Variants in PTPRM observed in about 807,000 individuals in gnomAD.
PTPRM encodes the protein receptor-type tyrosine-protein phosphatase mu.
In PTPRM, 47 loss-of-function variants were observed where a neutral mutation model predicts 186.7. The ratio of observed to expected loss-of-function variants is 0.25; its 90% CI spans 0.20 to 0.32. The LOEUF is 0.32. PTPRM is among the 10% of genes least tolerant of loss of function. PTPRM has a pLI of 1.00. For synonymous variants in PTPRM, 668 were observed against 674.9 expected (o/e 0.99, Z 0.16); for missense variants, 1,494 against 1,865.0 (o/e 0.80, Z 3.66).
chr18:7,708,208 A>C (rs2040136933), intron 1 of PTPRM, among the ~76,000 whole-genome samples: 1 of 152,178 alleles, frequency 6.6e-6, no homozygotes, highest in East Asian at 1.9e-4. Context: ...TATCATATTG[A>C]GAGCCTTAAC....
chr18:7,934,315 A>AT (rs11376897), intron 5 of PTPRM, among the ~76,000 whole-genome samples: 15,652 of 151,954 alleles, frequency 0.1, 874 homozygotes, highest in Middle Eastern at 0.27. Flanking sequence ...AGATTGATAT[A>AT]TTTTTTTTCT....
At chr18:7,991,875 A>G (rs2083285306) in intron 7 of PTPRM, among the ~76,000 whole-genome samples, 2 of 152,200 alleles carry the variant, frequency 1.3e-5, no homozygotes, top group South Asian at 4.1e-4. Context: ...AGAACCCATC[A>G]TGAGATACAT....
Position 8,194,501 on chromosome 18 carries a change from G to A in PTPRM, c.2301-49557G>A, listed in dbSNP as rs553863368. 1.0e-3 allele frequency among the ~76,000 whole-genome samples: 158 copies of A among 152,266 alleles called. 1 individual carries two copies. The highest frequency in any genetic ancestry group is 3.3e-3 in the African/African-American group (137 of 41,550). On this transcript the variant is annotated intron_variant, in intron 14 of 32. Transcript: ENST00000580170. ...CAGGGCTCCGTGTGAGGACTGAGGG[G>A]GCACCCTGAAATCCACACTGGAAAC...
intron 9 of PTPRM, among the ~76,000 whole-genome samples, chr18:8,078,776 G>A (rs899770243): frequency 6.6e-6 from 1 of 152,190 alleles, no homozygotes; most frequent in African/African-American, 2.4e-5. Flanking sequence ...GAATGTGGCA[G>A]AGGGTGAAGG....
intron 14 of PTPRM, among the ~76,000 whole-genome samples, chr18:8,217,333 C>A (rs1601288861): frequency 6.6e-6 from 1 of 152,144 alleles, no homozygotes; most frequent in South Asian, 2.1e-4. Context: ...GCAGAGGAAC[C>A]CGAGCCCCTG....
intron 11 of PTPRM, among the ~76,000 whole-genome samples, chr18:8,090,414 G>A (rs991035170): frequency 4.6e-5 from 7 of 152,242 alleles, no homozygotes; most frequent in African/African-American, 1.4e-4. Flanking sequence ...CAGATTCAAT[G>A]CCTCCAAACT....
chr18:8,399,598 T>A (rs1240879075), intron 32 of PTPRM: 1 of 152,222 alleles, frequency 6.6e-6, no homozygotes, highest in Non-Finnish European at 1.5e-5. Context: ...CCAAGAGTTA[T>A]CTTGTTATAC....
chr18:8,083,076 T>C (rs2090227173), intron 9 of PTPRM, among the ~76,000 whole-genome samples: 1 of 152,092 alleles, frequency 6.6e-6, no homozygotes, highest in Admixed American at 6.6e-5. Context: ...CAAGCCCCTG[T>C]ATTTTCTCCC....
intron 14 of PTPRM, among the ~76,000 whole-genome samples, chr18:8,218,293 CA>C (rs768276140): frequency 2.0e-5 from 3 of 152,246 alleles, no homozygotes; most frequent in East Asian, 1.9e-4. Context: ...ACTGCACGCC[CA>C]GGGGTAAATT....
rs138942913 is a variant in PTPRM, at chr18:8,305,704, G to A, written c.2843-9077G>A. Reference sequence around the variant, plus strand: ...TGTAGAAGTTATTGAAGAGCATTCAGCATGTCTTCAAACATTTCTCCTGTT... The same window carrying A: ...TGTAGAAGTTATTGAAGAGCATTCAACATGTCTTCAAACATTTCTCCTGTT... On this transcript the variant is annotated intron_variant, in intron 20 of 32. Coordinates refer to ENST00000580170, the MANE Select transcript of PTPRM (RefSeq NM_001105244.2). Among the ~76,000 whole-genome samples the A allele has an allele frequency of 1.2e-3, 190 of 152,236 alleles. 2 individuals are homozygous for A. Among genetic ancestry groups the A allele is most frequent in the East Asian group, 9.7e-3 (50 of 5,172 alleles).
chr18:8,406,830 T>G lies in PTPRM; in HGVS notation c.*668T>G, dbSNP rs1470139645. On this transcript the variant is annotated 3_prime_UTR_variant, in exon 33 of 33. Coordinates refer to ENST00000580170, the MANE Select transcript of PTPRM (RefSeq NM_001105244.2). The stretch of plus-strand genomic sequence containing the variant: ...AATATTTTTGATTTCATCAAATTAT[T>G]TATTCATTAAAAGAAATTTTTGTGA... The G allele has an allele frequency of 6.6e-6, 1 of 152,266 alleles. No homozygotes were observed. Among genetic ancestry groups the G allele is most frequent in the East Asian group, 1.9e-4 (1 of 5,198 alleles). The allele number at this position is 152,266 out of a possible 1,614,324, so 9.4% of individuals were successfully genotyped here. A position where few individuals can be genotyped will look rare whatever the true frequency, so the allele number is the denominator to read the frequency against.
intron 2 of PTPRM, among the ~76,000 whole-genome samples, chr18:7,874,889 C>T (rs2048158093): frequency 6.6e-6 from 1 of 152,154 alleles, no homozygotes; most frequent in Non-Finnish European, 1.5e-5. Flanking sequence ...CCAAAAGCTT[C>T]CTTCAGAAAT....
intron 2 of PTPRM, among the ~76,000 whole-genome samples, chr18:7,862,022 AC>A (rs11326619): frequency 0.02 from 3,097 of 152,296 alleles, 103 homozygotes; most frequent in African/African-American, 0.069. Flanking sequence ...TCACAGAAAG[AC>A]ATGAGCATTT....
chr18:8,010,104 G>A (rs1269657346), intron 7 of PTPRM, among the ~76,000 whole-genome samples: 1 of 152,132 alleles, frequency 6.6e-6, no homozygotes, highest in Non-Finnish European at 1.5e-5. Context: ...TCTATTTTTA[G>A]AAGTGTTTTG....
chr18:8,146,734 G>A (rs762341881), intron 14 of PTPRM, among the ~76,000 whole-genome samples: 1 of 152,162 alleles, frequency 6.6e-6, no homozygotes, highest in East Asian at 1.9e-4. Context: ...GTCCATGCCT[G>A]TGCTCTGAAT....
intron 20 of PTPRM, among the ~76,000 whole-genome samples, chr18:8,310,344 C>T (rs1221391799): frequency 1.3e-5 from 2 of 151,640 alleles, no homozygotes; most frequent in Non-Finnish European, 2.9e-5. Context: ...AAGCACGCCC[C>T]TGCCTGTGGC....
At chr18:7,680,969 T>C (rs1264000000) in intron 1 of PTPRM, among the ~76,000 whole-genome samples, 1 of 152,136 alleles carries the variant, frequency 6.6e-6, no homozygotes, top group East Asian at 1.9e-4. Flanking sequence ...GCTGAAGAGC[T>C]GTTTGGATCT....
At chr18:8,324,703 A>G (rs1160960212) in intron 22 of PTPRM, among the ~76,000 whole-genome samples, 1 of 152,212 alleles carries the variant, frequency 6.6e-6, no homozygotes, top group Non-Finnish European at 1.5e-5. Context: ...CATCTTTACC[A>G]CAAATATGGG....
chr18:8,068,383 AT>A (rs1255550421), intron 7 of PTPRM, among the ~76,000 whole-genome samples: 1 of 152,186 alleles, frequency 6.6e-6, no homozygotes, highest in Non-Finnish European at 1.5e-5. Context: ...TGAATGCTGA[AT>A]TTTTTGTAGT....
Sources: gnomAD v4.1 joint callset for allele counts (sites outside exome capture counted in the v4.1 genomes callset) on GRCh38, gnomAD v4.1.1 for gene constraint, MANE v1.5 for transcripts, NCBI Gene and HGNC (gene_info 2026-07-23, HGNC 2026-07-21) for gene names.